The following MALRD1 variants were observed in gnomAD, a reference collection of about 807,000 sequenced individuals.
MALRD1 encodes MAM and LDL receptor class A domain containing 1, also known as MAM and LDL-receptor class A domain-containing protein 1.
Under a neutral mutation model 242.1 loss-of-function variants are expected in MALRD1, and 247 were observed. The ratio of observed to expected loss-of-function variants is 1.02; its 90% CI spans 0.92 to 1.13. The LOEUF is 1.13. Ranked by LOEUF, MALRD1 falls within the 50% of genes most tolerant of loss-of-function variation. The pLI is 0.00. For synonymous variants in MALRD1, 995 were observed against 866.6 expected (o/e 1.15, Z -2.60); for missense variants, 2,989 against 2,533.1 (o/e 1.18, Z -3.86).
chr10:19,543,433 C>CTATTTTTTTTT (rs778674889), intron 32 of MALRD1, among the ~76,000 whole-genome samples: 1 of 106,410 alleles, frequency 9.4e-6, no homozygotes, highest in African/African-American at 3.4e-5. Flanking sequence ...CAGCTGATTT[C>CTATTTTTTTTT]TTTTTTTTTT....
At chr10:19,078,602 T>C (rs2131273513) in intron 2 of MALRD1, among the ~76,000 whole-genome samples, 1 of 151,998 alleles carries the variant, frequency 6.6e-6, no homozygotes, top group Admixed American at 6.6e-5. Context: ...AGTATTAGTG[T>C]TAATCATTTA....
chr10:19,287,398 C>T (rs542713054), intron 21 of MALRD1, among the ~76,000 whole-genome samples: 51 of 152,212 alleles, frequency 3.4e-4, no homozygotes, highest in African/African-American at 1.2e-3. Context: ...CTCTCCCTCC[C>T]ATCGTTCCGA....
Position 19,607,847 on chromosome 10 carries a change from C to G in MALRD1, c.6015C>G (p.Arg2005=). Residue 2005 remains arginine, a synonymous_variant, in exon 35 of 40, where the codon CGC becomes CGG. Transcript: ENST00000454679. Reference sequence around the variant, plus strand: ...ACAGCTGTATCCCAGCCCACCAGCGCTGTGATGGTTTTGCCGACTGCATGG... The same window carrying G: ...ACAGCTGTATCCCAGCCCACCAGCGGTGTGATGGTTTTGCCGACTGCATGG... ...SSNSCIPAHQ[R]CDGFADCMDF... is the part of the protein sequence containing the mutation. The G allele has an allele frequency of 6.5e-7, 1 of 1,549,842 alleles. No homozygotes were observed. Among genetic ancestry groups the G allele is most frequent in the Non-Finnish European group, 8.7e-7 (1 of 1,146,554 alleles).
In MALRD1 at chr10:19,298,563, TA is replaced by T. The variant is rs1441717528; in HGVS notation, c.3419+15384del. ...TGAGAGAGAGACTATAGGAAATTAT[TA>T]ATGTCAAATGGGTAACGTCACGACT... On this transcript the variant is annotated intron_variant, in intron 21 of 39. Coordinates refer to ENST00000454679, the MANE Select transcript of MALRD1 (RefSeq NM_001142308.3). 4.6e-5 allele frequency among the ~76,000 whole-genome samples: 7 copies of T among 152,000 alleles called. 1 individual carries two copies. In the East Asian group the frequency reaches 1.4e-3, roughly 30 times the overall value.
intron 20 of MALRD1, among the ~76,000 whole-genome samples, chr10:19,281,856 C>A (rs1051452578): frequency 6.6e-6 from 1 of 151,552 alleles, no homozygotes; most frequent in Admixed American, 6.6e-5. Flanking sequence ...TGCCTGTAAT[C>A]CCAGCTACTT....
chr10:19,291,329 T>G (rs1218581250), intron 21 of MALRD1: 2 of 152,086 alleles, frequency 1.3e-5, no homozygotes, highest in African/African-American at 4.8e-5. Context: ...CACTGAAAAT[T>G]TATATATAAA....
intron 2 of MALRD1, among the ~76,000 whole-genome samples, chr10:19,067,821 T>A (rs1835025885): frequency 6.6e-6 from 1 of 152,100 alleles, no homozygotes; most frequent in Non-Finnish European, 1.5e-5. Context: ...CAAAAATTGA[T>A]GTTTAGTCCA....
intron 28 of MALRD1, among the ~76,000 whole-genome samples, chr10:19,439,871 A>T (rs530744002): frequency 2.7e-4 from 41 of 152,294 alleles, no homozygotes; most frequent in Non-Finnish European, 3.5e-4. Flanking sequence ...CTTTGGTCGT[A>T]TACATTTTAT....
chr10:19,490,506 C>T (rs12766902), intron 29 of MALRD1, among the ~76,000 whole-genome samples: 3 of 19,886 alleles, frequency 1.5e-4, no homozygotes, highest in Non-Finnish European at 3.0e-4. Flanking sequence ...CCAAGTGGGG[C>T]GGGGGGGGGG....
intron 9 of MALRD1, among the ~76,000 whole-genome samples, chr10:19,135,028 A>T (rs1833280774): frequency 6.6e-6 from 1 of 152,208 alleles, no homozygotes. Flanking sequence ...GTAGCAGCAT[A>T]CAAAGTTTTC....
At chr10:19,666,306 A>G (rs143758898) in intron 36 of MALRD1, among the ~76,000 whole-genome samples, 1 of 152,112 alleles carries the variant, frequency 6.6e-6, no homozygotes, top group African/African-American at 2.4e-5. Flanking sequence ...CTTGTCTTCT[A>G]TACTTTCAGA....
intron 38 of MALRD1, among the ~76,000 whole-genome samples, chr10:19,718,968 G>T (rs973231535): frequency 1.3e-5 from 2 of 150,634 alleles, no homozygotes; most frequent in African/African-American, 4.9e-5. Flanking sequence ...GGAGCTCGAG[G>T]CAACACAGCA....
chr10:19,374,132 A>G (rs1293102532), intron 26 of MALRD1, among the ~76,000 whole-genome samples: 2 of 152,194 alleles, frequency 1.3e-5, no homozygotes, highest in South Asian at 4.1e-4. Context: ...TAACGTTTTC[A>G]ATGACTTAGT....
intron 28 of MALRD1, among the ~76,000 whole-genome samples, chr10:19,403,207 C>T (rs543557029): frequency 2.0e-4 from 31 of 152,098 alleles, no homozygotes; most frequent in Non-Finnish European, 4.1e-4. Flanking sequence ...AAAACCCTTA[C>T]ATCATATTGT....
At chr10:19,621,844 A>C (rs1159888869) in intron 36 of MALRD1, among the ~76,000 whole-genome samples, 2 of 151,858 alleles carry the variant, frequency 1.3e-5, no homozygotes, top group Admixed American at 1.3e-4. Flanking sequence ...AAAAGAACCA[A>C]ATAACACAAG....
At chr10:19,400,168 G>A (rs1300939269) in intron 28 of MALRD1, among the ~76,000 whole-genome samples, 3 of 152,170 alleles carry the variant, frequency 2.0e-5, no homozygotes, top group African/African-American at 7.2e-5. Context: ...CTGGCAAAAA[G>A]CAACGGTATG....
intron 8 of MALRD1, among the ~76,000 whole-genome samples, chr10:19,133,031 C>T (rs908283345): frequency 1.3e-5 from 2 of 152,026 alleles, no homozygotes; most frequent in African/African-American, 4.8e-5. Flanking sequence ...CTGCGCCTCC[C>T]AGGTTCAAGT....
chr10:19,469,905 C>G (rs1836410765), intron 29 of MALRD1, among the ~76,000 whole-genome samples: 1 of 152,008 alleles, frequency 6.6e-6, no homozygotes, highest in Admixed American at 6.6e-5. Context: ...TAGACATATA[C>G]CACACATCCC....
chr10:19,088,686 C>T (rs1835777366), intron 4 of MALRD1, among the ~76,000 whole-genome samples: 1 of 106,908 alleles, frequency 9.4e-6, no homozygotes, highest in African/African-American at 3.9e-5. Context: ...GCTGCACCCA[C>T]TAACGTGTCA....
Sources: gnomAD v4.1 joint callset for allele counts (sites outside exome capture counted in the v4.1 genomes callset) on GRCh38, gnomAD v4.1.1 for gene constraint, MANE v1.5 for transcripts, NCBI Gene and HGNC (gene_info 2026-07-23, HGNC 2026-07-21) for gene names.